Variants in ZFAND3 observed in about 807,000 individuals in gnomAD.
ZFAND3 encodes zinc finger AN1-type containing 3, also known as AN1-type zinc finger protein 3.
A neutral mutation model predicts 29.6 loss-of-function variants in ZFAND3; 10 were observed. The observed-to-expected ratio is 0.34, with a 90% confidence interval of 0.21 to 0.57. The LOEUF (loss-of-function observed/expected upper bound fraction) is 0.57. Among genes scored for constraint, ZFAND3 ranks in the 20% least tolerant of loss-of-function variants. ZFAND3 has a pLI of 0.86. For synonymous variants in ZFAND3, 128 were observed against 112.6 expected (o/e 1.14, Z -0.87); for missense variants, 230 against 304.5 (o/e 0.76, Z 1.82).
intron 2 of ZFAND3, among the ~76,000 whole-genome samples, chr6:38,031,130 A>G (rs906574289): frequency 1.3e-5 from 2 of 152,302 alleles, no homozygotes; most frequent in Non-Finnish European, 2.9e-5. Context: ...TCTGTATCCA[A>G]GGTGCTGCTT....
At chr6:38,148,652 T>C (rs1766157789) in intron 5 of ZFAND3, among the ~76,000 whole-genome samples, 1 of 152,168 alleles carries the variant, frequency 6.6e-6, no homozygotes, top group Non-Finnish European at 1.5e-5. Context: ...TTCATGACAC[T>C]TGTAGTGGTT....
In ZFAND3 at chr6:38,154,053, C is replaced by G; in HGVS notation, c.*1664C>G. ...CCAGAGTGGAACCCGCTGCAAAATC[C>G]CCAGCCTTAATTCTTGCTTCAGGAC... is the stretch of plus-strand genomic sequence containing the variant. On this transcript the variant is annotated 3_prime_UTR_variant, in exon 6 of 6. Transcript: ENST00000287218. 2.0e-6 allele frequency: 2 copies of G among 985,514 alleles called. No homozygotes were observed. Among genetic ancestry groups the G allele is most frequent in the Non-Finnish European group, 2.4e-6 (2 of 829,972 alleles). The allele number at this position is 985,514 out of a possible 1,614,324, so 61.0% of individuals were successfully genotyped here. A position where few individuals can be genotyped will look rare whatever the true frequency, so the allele number is the denominator to read the frequency against.
At chr6:37,970,647 T>G (rs1762370500) in intron 2 of ZFAND3, among the ~76,000 whole-genome samples, 1 of 152,170 alleles carries the variant, frequency 6.6e-6, no homozygotes, top group African/African-American at 2.4e-5. Context: ...TCAACGCCTG[T>G]AATCCCAGCA....
At chr6:38,146,166 C>A (rs1020517762) in intron 5 of ZFAND3, among the ~76,000 whole-genome samples, 2 of 62,058 alleles carry the variant, frequency 3.2e-5, no homozygotes, top group African/African-American at 1.4e-4. Context: ...TCCATGTGCC[C>A]CCTCGCGATG....
chr6:37,884,093 A>G lies in ZFAND3; in HGVS notation c.72-45866A>G, dbSNP rs1044265346. On this transcript the variant is annotated intron_variant, in intron 1 of 5. Transcript: ENST00000287218. ...AGAGATTGATTTTTAACTTGATCAC[A>G]TGGAAGTGGGAGATTAGAATGGTTT... 3.4e-5 allele frequency among the ~76,000 whole-genome samples: 5 copies of G among 145,442 alleles called. No individual in the cohort carries two copies. The South Asian group carries it at 8.5e-4, about 25-fold the overall frequency.
At chr6:38,027,319 G>A (rs1417227311) in intron 2 of ZFAND3, among the ~76,000 whole-genome samples, 1 of 152,162 alleles carries the variant, frequency 6.6e-6, no homozygotes, top group African/African-American at 2.4e-5. Context: ...TTCAGTACAT[G>A]TTCAGAAACC....
intron 2 of ZFAND3, among the ~76,000 whole-genome samples, chr6:38,018,479 G>T (rs1763289028): frequency 6.6e-6 from 1 of 151,980 alleles, no homozygotes; most frequent in South Asian, 2.1e-4. Flanking sequence ...TTTTTAAAAG[G>T]TATAAGGGTA....
At chr6:38,122,454 C>T (rs927766815) in intron 5 of ZFAND3, among the ~76,000 whole-genome samples, 16 of 152,122 alleles carry the variant, frequency 1.1e-4, no homozygotes, top group African/African-American at 2.9e-4. Context: ...TATGGACAAC[C>T]GACTGAACTT....
At chr6:38,093,103 C>T (rs17589955) in intron 4 of ZFAND3, among the ~76,000 whole-genome samples, 9,991 of 152,188 alleles carry the variant, frequency 0.066, 449 homozygotes, top group Middle Eastern at 0.1. Flanking sequence ...AATGCCTTGC[C>T]ATTGGGTTAA....
intron 4 of ZFAND3, among the ~76,000 whole-genome samples, chr6:38,101,644 G>T (rs903276816): frequency 6.6e-6 from 1 of 151,742 alleles, no homozygotes; most frequent in Admixed American, 6.6e-5. Flanking sequence ...CATGGTGGTG[G>T]GCACCTGTAA....
At chr6:37,980,476 T>A (rs1054670186) in intron 2 of ZFAND3, among the ~76,000 whole-genome samples, 3 of 152,216 alleles carry the variant, frequency 2.0e-5, no homozygotes, top group African/African-American at 7.2e-5. Flanking sequence ...ACTCATTTTC[T>A]GAATTGTATC....
chr6:37,930,431 A>G (rs1761573111), intron 2 of ZFAND3, among the ~76,000 whole-genome samples: 1 of 152,212 alleles, frequency 6.6e-6, no homozygotes, highest in Non-Finnish European at 1.5e-5. Flanking sequence ...ATGGTGTCTC[A>G]CGCCTATAAT....
intron 1 of ZFAND3, among the ~76,000 whole-genome samples, chr6:37,891,283 T>A (rs1765093589): frequency 6.6e-6 from 1 of 152,206 alleles, no homozygotes; most frequent in South Asian, 2.1e-4. Flanking sequence ...AATTCCATTA[T>A]ATGGTTGTTA....
chr6:37,881,306 G>A (rs1453890813), intron 1 of ZFAND3, among the ~76,000 whole-genome samples: 11 of 152,146 alleles, frequency 7.2e-5, no homozygotes, highest in African/African-American at 2.4e-4. Flanking sequence ...GCCTGGTCTC[G>A]AACTCCTGGC....
chr6:38,132,568 GTC>G (rs1201927339), intron 5 of ZFAND3, among the ~76,000 whole-genome samples: 1 of 152,206 alleles, frequency 6.6e-6, no homozygotes, highest in African/African-American at 2.4e-5. Flanking sequence ...AACCGCACTA[GTC>G]TCTGATTCCT....
At chr6:38,112,814 T>C (rs573457550) in intron 4 of ZFAND3, among the ~76,000 whole-genome samples, 20 of 152,362 alleles carry the variant, frequency 1.3e-4, no homozygotes, top group African/African-American at 1.7e-4. Flanking sequence ...CACAAAGGTT[T>C]CATTAACTAA....
intron 3 of ZFAND3, among the ~76,000 whole-genome samples, chr6:38,067,689 A>G (rs1366971057): frequency 1.3e-5 from 2 of 152,204 alleles, no homozygotes; most frequent in Non-Finnish European, 2.9e-5. Flanking sequence ...GAGAGAAAGG[A>G]TAATGCCAGG....
At chr6:37,937,518 G>C (rs1297163401) in intron 2 of ZFAND3, among the ~76,000 whole-genome samples, 1 of 151,966 alleles carries the variant, frequency 6.6e-6, no homozygotes, top group Non-Finnish European at 1.5e-5. Flanking sequence ...AGCTGGGCCT[G>C]GTGGCACATG....
intron 1 of ZFAND3, among the ~76,000 whole-genome samples, chr6:37,902,099 G>A (rs371090829): frequency 4.7e-4 from 71 of 152,178 alleles, no homozygotes; most frequent in Non-Finnish European, 6.2e-4. Context: ...CCTGCAAAGG[G>A]TAAAGGTGGG....
Sources: gnomAD v4.1 joint callset for allele counts (sites outside exome capture counted in the v4.1 genomes callset) on GRCh38, gnomAD v4.1.1 for gene constraint, MANE v1.5 for transcripts, NCBI Gene and HGNC (gene_info 2026-07-23, HGNC 2026-07-21) for gene names.